The following CEP164 variants were observed in gnomAD, a reference collection of about 807,000 sequenced individuals.
CEP164 encodes centrosomal protein of 164 kDa.
Under a neutral mutation model 182.7 loss-of-function variants are expected in CEP164, and 162 were observed. The ratio of observed to expected loss-of-function variants is 0.89; its 90% CI spans 0.78 to 1.01. The LOEUF (loss-of-function observed/expected upper bound fraction) is 1.01, where lower values mean the gene tolerates loss of function less well. CEP164 is among the 50% of genes least tolerant of loss of function. The pLI is 0.00. For synonymous variants in CEP164, 661 were observed against 690.0 expected (o/e 0.96, Z 0.66); for missense variants, 1,735 against 1,790.4 (o/e 0.97, Z 0.56).
chr11:117,324,897 G>GCAAACAAA (rs542359839), upstream of CEP164, among the ~76,000 whole-genome samples: 1 of 152,026 alleles, frequency 6.6e-6, no homozygotes, highest in Non-Finnish European at 1.5e-5. Context: ...ATCTCAAAAA[G>GCAAACAAA]CAAACAAACA....
chr11:117,322,152 G>C (rs893068798), intron 1 of CEP164, among the ~76,000 whole-genome samples: 6 of 152,176 alleles, frequency 3.9e-5, no homozygotes, highest in Non-Finnish European at 8.8e-5. Context: ...GTCTCGCTCT[G>C]TTGCCCAGGT....
intron 4 of CEP164, 27 bp downstream of exon 4, chr11:117,344,304 G>A: frequency 6.6e-7 from 1 of 1,519,478 alleles, no homozygotes; most frequent in South Asian, 1.1e-5. Context: ...TGCGGCCACT[G>A]ACTTGGCCTA....
chr11:117,397,150 C>T lies in CEP164; in HGVS notation c.3338C>T (p.Ala1113Val), dbSNP rs1351186181. The T allele has an allele frequency of 6.2e-7, 1 of 1,614,232 alleles. No homozygotes were observed. The highest frequency in any genetic ancestry group is 8.5e-7 in the Non-Finnish European group (1 of 1,180,034). ...GCTGAGGGGGTAGCCCTCCGTAGTG[C>T]CAAGGAGTTCCTTGTGCAGCAGACA... is the stretch of plus-strand genomic sequence containing the variant. ...LSAEGVALRS[A>V]KEFLVQQTRS... The change falls in exon 27 of 33, where the codon GCC (alanine) becomes GTC (valine). Residue 1113 changes from alanine (A) to valine (V), a missense_variant. Physicochemically the swap from Ala to Val is moderately conservative, Grantham distance 64 (BLOSUM62 0). Transcript: ENST00000278935.
intron 12 of CEP164, among the ~76,000 whole-genome samples, chr11:117,381,134 T>G (rs2043270617): frequency 6.6e-6 from 1 of 152,150 alleles, no homozygotes; most frequent in African/African-American, 2.4e-5. Context: ...GCCAGGGCCC[T>G]GCCACATCAG....
chr11:117,372,441 G>A (rs1055600239), intron 9 of CEP164, among the ~76,000 whole-genome samples: 5 of 147,452 alleles, frequency 3.4e-5, no homozygotes, highest in Non-Finnish European at 6.0e-5. Flanking sequence ...TTTTGAGATG[G>A]ATTTTCACTC....
intron 27 of CEP164, among the ~76,000 whole-genome samples, chr11:117,401,298 T>C (rs987453513): frequency 1.3e-5 from 2 of 152,252 alleles, no homozygotes; most frequent in African/African-American, 4.8e-5. Context: ...TTTATTGATT[T>C]ACGTATGTTG....
Position 117,395,525 on chromosome 11 carries a change from C to T in CEP164, c.2914-22C>T, listed in dbSNP as rs762210090. The T allele has an allele frequency of 5.0e-6, 8 of 1,595,318 alleles. No homozygotes were observed. The South Asian group carries it at 6.9e-5, about 14-fold the overall frequency. ...CTCTCTGTGCTGTCTCTGGGTGCTT[C>T]TATCTTTCCTTTTGCCCCTAGGAAG... On this transcript the variant is annotated intron_variant, in intron 23 of 32. Transcript: ENST00000278935.
chr11:117,367,070 G>A (rs1056618963), intron 8 of CEP164, among the ~76,000 whole-genome samples: 1 of 152,202 alleles, frequency 6.6e-6, no homozygotes, highest in Non-Finnish European at 1.5e-5. Flanking sequence ...CTGAGGCCCC[G>A]CCTTTGCCTG....
At position 117,393,256 on chromosome 11, in the gene CEP164, G is replaced by A. The variant is rs1015774086; in HGVS notation, c.2616+130G>A. ...CCCGGGGTCCTTCCCACCTGGCTGT[G>A]GGGCAGAGGAAGGGGATAAACTGTG... On this transcript the variant is annotated intron_variant, in intron 20 of 32. Transcript: ENST00000278935. 6 of 1,408,464 alleles carry A rather than the reference G, an allele frequency of 4.3e-6. No homozygotes were observed. In the African/African-American group the frequency reaches 5.7e-5, roughly 13 times the overall value. 87.2% of individuals were successfully genotyped at this position (1,408,464 alleles called of 1,614,324 possible).
At chr11:117,386,292 T>C (rs535023167) in intron 14 of CEP164, 1 of 152,360 alleles carries the variant, frequency 6.6e-6, no homozygotes, top group Non-Finnish European at 1.5e-5. Context: ...ATCCTGCTCA[T>C]GGTTTCCTCA....
At chr11:117,404,740 A>T (rs1357442403) in intron 27 of CEP164, among the ~76,000 whole-genome samples, 1 of 152,194 alleles carries the variant, frequency 6.6e-6, no homozygotes, top group Non-Finnish European at 1.5e-5. Flanking sequence ...AAATCTGCTG[A>T]AGGTGCGCCC....
At chr11:117,381,669 C>T in intron 12 of CEP164, 32 bp from the exon 13 acceptor site, 5 of 1,589,454 alleles carry the variant, frequency 3.1e-6, no homozygotes, top group Non-Finnish European at 4.3e-6. Flanking sequence ...AATGGAGGGG[C>T]CTGACTCTGC....
intron 5 of CEP164, among the ~76,000 whole-genome samples, chr11:117,359,215 A>ATTACAGGC (rs2040654125): frequency 6.6e-6 from 1 of 152,180 alleles, no homozygotes; most frequent in African/African-American, 2.4e-5. Context: ...AAGTGCTGGG[A>ATTACAGGC]TTACAGGCGT....
intron 5 of CEP164, chr11:117,355,075 C>G: frequency 7.8e-7 from 1 of 1,289,770 alleles, no homozygotes; most frequent in Non-Finnish European, 1.0e-6. Context: ...AAGGAAAGAG[C>G]CCAGGCATGC....
chr11:117,392,501 C>G lies in CEP164; in HGVS notation c.2367C>G (p.Val789=), dbSNP rs747171653. The G allele has an allele frequency of 5.0e-6, 8 of 1,613,480 alleles. No individual in the cohort carries two copies. In the African/African-American group the frequency reaches 1.1e-4, roughly 22 times the overall value. The stretch of plus-strand genomic sequence containing the variant: ...GTGTGCGGGGGCCTCCTCAGGTGGT[C>G]TCCAGCCTCCAGAAGAAGATACAGG... ...SSLEAKHREV[V]SSLQKKIQEA... The change falls in exon 19 of 33, where the codon GTC becomes GTG. Residue 789 remains valine, a synonymous_variant. Coordinates refer to ENST00000278935, the MANE Select transcript of CEP164 (RefSeq NM_014956.5).
intron 27 of CEP164, among the ~76,000 whole-genome samples, chr11:117,402,625 C>T (rs957930952): frequency 6.6e-6 from 1 of 152,144 alleles, no homozygotes; most frequent in African/African-American, 2.4e-5. Flanking sequence ...TGTTTTACTT[C>T]CAATTATGTG....
chr11:117,342,671 T>G (rs1021045835), intron 3 of CEP164, among the ~76,000 whole-genome samples: 2 of 151,522 alleles, frequency 1.3e-5, no homozygotes, highest in Non-Finnish European at 1.5e-5. Flanking sequence ...AGACGAGGTT[T>G]CTCCATGTTG....
chr11:117,350,176 T>C (rs983119252), intron 4 of CEP164, among the ~76,000 whole-genome samples: 5 of 152,022 alleles, frequency 3.3e-5, no homozygotes, highest in African/African-American at 1.2e-4. Flanking sequence ...CCCAAAGTGC[T>C]GGGATTATAG....
intron 15 of CEP164, among the ~76,000 whole-genome samples, chr11:117,389,209 T>G (rs1367027335): frequency 6.6e-6 from 1 of 152,200 alleles, no homozygotes; most frequent in Non-Finnish European, 1.5e-5. Context: ...TTTCCTAGGT[T>G]TGAATTCCCT....
Sources: allele counts gnomAD v4.1 joint callset (sites outside exome capture counted in the v4.1 genomes callset), GRCh38; gene constraint gnomAD v4.1.1; transcripts MANE v1.5; gene names NCBI Gene and HGNC (gene_info 2026-07-23, HGNC 2026-07-21).